Variants in GNG7 observed in about 807,000 individuals in gnomAD.
The protein encoded by GNG7 is G protein subunit gamma 7.
A neutral mutation model predicts 4.0 loss-of-function variants in GNG7; 1 was observed. The ratio of observed to expected loss-of-function variants is 0.25; its 90% CI spans 0.09 to 1.18. The LOEUF is 1.18. GNG7 is among the 50% of genes most tolerant of loss of function. The pLI is 0.50. For missense variants in GNG7, 86 were observed against 91.9 expected (o/e 0.94, Z 0.26); for synonymous variants, 34 against 36.9 (o/e 0.92, Z 0.29).
rs151308025 is a variant in GNG7, at chr19:2,628,529, A to G, written c.-78+17695T>C. On this transcript the variant is annotated intron_variant, in intron 2 of 4. Transcript: ENST00000382159. Reference sequence around the variant, plus strand: ...CTGTGGTGTGTGTGTGTGTGTGTATATATATATATAACATAAGACGGATCA... The same window carrying G: ...CTGTGGTGTGTGTGTGTGTGTGTATGTATATATATAACATAAGACGGATCA... Among the ~76,000 whole-genome samples the G allele has an allele frequency of 6.2e-3, 928 of 150,858 alleles. 11 individuals are homozygous for G. The highest frequency in any genetic ancestry group is 0.022 in the African/African-American group (876 of 40,422).
intron 3 of GNG7, among the ~76,000 whole-genome samples, chr19:2,532,167 A>C (rs1002386580): frequency 4.1e-4 from 63 of 152,096 alleles, no homozygotes; most frequent in African/African-American, 1.3e-3. Context: ...AAAAACAAAA[A>C]AAAAAACAAA....
At chr19:2,659,610 A>AAAAAG (rs5826778) in intron 1 of GNG7, among the ~76,000 whole-genome samples, 1 of 121,452 alleles carries the variant, frequency 8.2e-6, no homozygotes, top group African/African-American at 3.3e-5. Context: ...AAAAAAAAAA[A>AAAAAG]AGAGAGGAGG....
At chr19:2,681,894 G>T (rs1326513428) in intron 1 of GNG7, among the ~76,000 whole-genome samples, 1 of 152,124 alleles carries the variant, frequency 6.6e-6, no homozygotes, top group Non-Finnish European at 1.5e-5. Flanking sequence ...GTTTTCAAGT[G>T]AAACTGATAG....
At chr19:2,566,050 C>T (rs1044203761) in intron 2 of GNG7, among the ~76,000 whole-genome samples, 11 of 151,762 alleles carry the variant, frequency 7.2e-5, no homozygotes, top group Admixed American at 5.9e-4. Flanking sequence ...CCCAGCTACT[C>T]GGGAGGCTGA....
chr19:2,524,914 G>A (rs1978344832), intron 3 of GNG7, among the ~76,000 whole-genome samples: 1 of 152,204 alleles, frequency 6.6e-6, no homozygotes, highest in Non-Finnish European at 1.5e-5. Flanking sequence ...GTGTGCGTGT[G>A]TGTGCGCACG....
intron 4 of GNG7, chr19:2,517,155 C>G: frequency 6.6e-6 from 1 of 152,286 alleles, no homozygotes; most frequent in Non-Finnish European, 1.5e-5. Context: ...CGAGAAGGAT[C>G]GCAGTGTCGC....
chr19:2,598,410 C>CT, intron 2 of GNG7, among the ~76,000 whole-genome samples: 1 of 151,908 alleles, frequency 6.6e-6, no homozygotes, highest in Admixed American at 6.6e-5. Context: ...GTACTCCCAG[C>CT]ACTTTGGGAG....
chr19:2,628,636 CT>C (rs1197870410), intron 2 of GNG7, among the ~76,000 whole-genome samples: 1 of 152,086 alleles, frequency 6.6e-6, no homozygotes, highest in African/African-American at 2.4e-5. Context: ...AACCTTCCAT[CT>C]TGTAAAACTG....
rs59362067 is a variant in GNG7, at chr19:2,631,083, G to A, written c.-78+15141C>T. 5.1e-3 allele frequency among the ~76,000 whole-genome samples: 778 copies of A among 152,274 alleles called. 7 individuals are homozygous for A. The highest frequency in any genetic ancestry group is 0.018 in the African/African-American group (728 of 41,562). On this transcript the variant is annotated intron_variant, in intron 2 of 4. Coordinates refer to ENST00000382159, the MANE Select transcript of GNG7 (RefSeq NM_052847.3). Reference sequence around the variant, plus strand: ...TGTCTCAACAGCACTGTGTGGGGCTGAGGAGGCATAGCAGGCATGAAGACC... The same window carrying A: ...TGTCTCAACAGCACTGTGTGGGGCTAAGGAGGCATAGCAGGCATGAAGACC...
intron 2 of GNG7, among the ~76,000 whole-genome samples, chr19:2,590,324 C>T (rs1175136535): frequency 6.6e-6 from 1 of 152,146 alleles, no homozygotes; most frequent in Non-Finnish European, 1.5e-5. Flanking sequence ...CTATCGGGCA[C>T]ATAACAATTT....
Position 2,626,196 on chromosome 19 carries a change from G to A in GNG7, c.-78+20028C>T, listed in dbSNP as rs140630470. On this transcript the variant is annotated intron_variant, in intron 2 of 4. Coordinates refer to ENST00000382159, the MANE Select transcript of GNG7 (RefSeq NM_052847.3). This position sits in a 1 kb window ranked among gnomAD's most constrained non-coding sequence, Gnocchi z 5.0. ...TGACCGCGGGTGCCCACCTGACCCC[G>A]TGTCTCCAGCGGGAACGTGAAGCTG... is the stretch of plus-strand genomic sequence containing the variant. Among the ~76,000 whole-genome samples the A allele has an allele frequency of 5.4e-4, 82 of 152,228 alleles. No individual in the cohort carries two copies. In the East Asian group the frequency reaches 0.012, roughly 23 times the overall value.
chr19:2,580,589 C>T (rs1324516054), intron 2 of GNG7, among the ~76,000 whole-genome samples: 1 of 151,888 alleles, frequency 6.6e-6, no homozygotes, highest in Non-Finnish European at 1.5e-5. Flanking sequence ...CCGTGCCCAG[C>T]TCTGTGCCTG....
At chr19:2,687,540 C>T (rs980485528) in intron 1 of GNG7, among the ~76,000 whole-genome samples, 1 of 151,914 alleles carries the variant, frequency 6.6e-6, no homozygotes, top group Non-Finnish European at 1.5e-5. Flanking sequence ...CGCTTGAGCC[C>T]GGGAGGCAGA....
chr19:2,547,908 A>T (rs889497076), intron 3 of GNG7, among the ~76,000 whole-genome samples: 6 of 152,038 alleles, frequency 3.9e-5, no homozygotes, highest in Admixed American at 1.3e-4. Flanking sequence ...TGGTAGGCCC[A>T]CCCCTCTGGG....
At chr19:2,657,361 A>AAAAAAT (rs1555701153) in intron 1 of GNG7, among the ~76,000 whole-genome samples, 7 of 16,332 alleles carry the variant, frequency 4.3e-4, no homozygotes, top group African/African-American at 1.4e-3. Context: ...AAAAAAAAAA[A>AAAAAAT]ATATATATAT....
chr19:2,629,957 G>T (rs1037810919), intron 2 of GNG7, among the ~76,000 whole-genome samples: 1 of 151,836 alleles, frequency 6.6e-6, no homozygotes, highest in African/African-American at 2.4e-5. Flanking sequence ...TACATGTGAT[G>T]TTTTTTGCTC....
At chr19:2,540,309 C>T (rs1263525158) in intron 3 of GNG7, among the ~76,000 whole-genome samples, 1 of 151,856 alleles carries the variant, frequency 6.6e-6, no homozygotes, top group Non-Finnish European at 1.5e-5. Context: ...CACCACCATG[C>T]CCCCCTAATT....
In GNG7 at chr19:2,548,824, C is replaced by T. The variant is rs532055895; in HGVS notation, c.-38+6325G>A. On this transcript the variant is annotated intron_variant, in intron 3 of 4. Transcript: ENST00000382159. ...CACAACAAAACAAACAAACAAACAG[C>T]GACAACCCCCTCTCAAGAATAATCT... 7.6e-5 allele frequency among the ~76,000 whole-genome samples: 11 copies of T among 145,524 alleles called. No individual in the cohort carries two copies. The East Asian group carries it at 1.4e-3, about 18-fold the overall frequency.
rs1250949755 is a variant in GNG7 at position 2,611,177 on chromosome 19, G to A, written c.-78+35047C>T. ...CTAAGCCGCTCAGCCCAGGGATCCA[G>A]GGCCCTGGCGAGACAGCCTGGGAGA... is the stretch of plus-strand genomic sequence containing the variant. On this transcript the variant is annotated intron_variant, in intron 2 of 4. Coordinates refer to ENST00000382159, the MANE Select transcript of GNG7 (RefSeq NM_052847.3). This position sits in a 1 kb window ranked among gnomAD's most constrained non-coding sequence, Gnocchi z 6.0. The A allele has an allele frequency of 6.6e-6, 1 of 152,298 alleles. No homozygotes were observed. The highest frequency in any genetic ancestry group is 1.9e-4 in the East Asian group (1 of 5,198). The allele number at this position is 152,298 out of a possible 1,614,324, so 9.4% of individuals were successfully genotyped here.
Sources: allele counts gnomAD v4.1 joint callset (sites outside exome capture counted in the v4.1 genomes callset), GRCh38; gene constraint gnomAD v4.1.1; non-coding constraint Gnocchi (gnomAD v3.1); transcripts MANE v1.5; gene names NCBI Gene and HGNC (gene_info 2026-07-23, HGNC 2026-07-21).